The following GRID2 variants were observed in gnomAD, a reference collection of about 807,000 sequenced individuals.
The protein encoded by GRID2 is glutamate receptor ionotropic, delta-2.
In GRID2, 33 loss-of-function variants were observed where a neutral mutation model predicts 114.8. The ratio of observed to expected loss-of-function variants is 0.29; its 90% confidence interval spans 0.22 to 0.38. The LOEUF (loss-of-function observed/expected upper bound fraction) is 0.38. Among genes scored for constraint, GRID2 ranks in the 10% least tolerant of loss-of-function variants. The pLI, the probability that GRID2 is intolerant of heterozygous loss-of-function variation, is 1.00. For synonymous variants in GRID2, 505 were observed against 449.9 expected, an observed-to-expected ratio of 1.12 and a Z score of -1.55; for missense variants, 1,184 against 1,257.7, an observed-to-expected ratio of 0.94 and a Z score of 0.89.
At chr4:93,047,526 CT>C (rs34067693) in intron 2 of GRID2, among the ~76,000 whole-genome samples, 52,199 of 151,070 alleles carry the variant, frequency 0.35, 9,333 homozygotes, top group Admixed American at 0.48. Context: ...TTATACCATC[CT>C]TTTTTTTTAC....
At chr4:92,679,195 T>C (rs966724583) in intron 2 of GRID2, among the ~76,000 whole-genome samples, 38 of 152,218 alleles carry the variant, frequency 2.5e-4, no homozygotes, top group African/African-American at 9.1e-4. Flanking sequence ...GTTGTACTGA[T>C]TCAACCAGTA....
intron 10 of GRID2, among the ~76,000 whole-genome samples, chr4:93,450,181 G>A (rs1459118443): frequency 6.6e-6 from 1 of 151,792 alleles, no homozygotes; most frequent in African/African-American, 2.4e-5. Context: ...TTGAGGGACA[G>A]AAAATCATAT....
chr4:92,632,004 C>A (rs909191180), intron 2 of GRID2, among the ~76,000 whole-genome samples: 3 of 152,192 alleles, frequency 2.0e-5, no homozygotes, highest in South Asian at 2.1e-4. Context: ...CTGAAAGGTT[C>A]TCAGTTTTTA....
Position 93,600,822 on chromosome 4 carries a change from T to TGGTCTTG in GRID2, c.2194-25447_2194-25446insGGTCTTG, listed in dbSNP as rs1553962878. ...AAAAGCATAGTGGTCTACTCAGACC[T>TGGTCTTG]CAATACTGCAAGAAATAATAATGAG... On this transcript the variant is annotated intron_variant, in intron 13 of 15. Coordinates refer to ENST00000282020, the MANE Select transcript of GRID2 (RefSeq NM_001510.4). Among the ~76,000 whole-genome samples, 35 of 152,296 alleles carry TGGTCTTG rather than the reference T, an allele frequency of 2.3e-4. No individual in the cohort carries two copies. The East Asian group carries it at 4.3e-3, about 18-fold the overall frequency.
intron 8 of GRID2, among the ~76,000 whole-genome samples, chr4:93,323,312 C>G (rs1757446755): frequency 6.6e-6 from 1 of 152,088 alleles, no homozygotes; most frequent in Non-Finnish European, 1.5e-5. Flanking sequence ...GAATCCTTTC[C>G]CCATTTTTTA....
chr4:93,277,857 A>G (rs979827773), intron 8 of GRID2, among the ~76,000 whole-genome samples: 1 of 152,012 alleles, frequency 6.6e-6, no homozygotes, highest in African/African-American at 2.4e-5. Context: ...GAATGAATGA[A>G]TGAACAGAGG....
intron 4 of GRID2, among the ~76,000 whole-genome samples, chr4:93,116,968 C>G (rs886363773): frequency 1.3e-5 from 2 of 152,038 alleles, no homozygotes; most frequent in African/African-American, 4.8e-5. Flanking sequence ...ATGCAGTGTT[C>G]ATAGGAATTT....
intron 1 of GRID2, among the ~76,000 whole-genome samples, chr4:92,327,490 T>C (rs944370855): frequency 6.6e-6 from 1 of 151,978 alleles, no homozygotes; most frequent in Non-Finnish European, 1.5e-5. Flanking sequence ...ATGTATTCTA[T>C]GTTTTATCTT....
intron 1 of GRID2, among the ~76,000 whole-genome samples, chr4:92,485,651 C>G (rs563337160): frequency 6.9e-4 from 105 of 151,806 alleles, no homozygotes; most frequent in African/African-American, 2.4e-3. Flanking sequence ...GATTGCACCA[C>G]TGCACTCCAG....
intron 2 of GRID2, among the ~76,000 whole-genome samples, chr4:93,048,031 G>A (rs1050684010): frequency 6.6e-6 from 1 of 152,084 alleles, no homozygotes. Context: ...AAATCACAAA[G>A]TATATTGATG....
intron 14 of GRID2, among the ~76,000 whole-genome samples, chr4:93,650,082 T>C (rs1722453598): frequency 1.3e-5 from 2 of 152,116 alleles, no homozygotes; most frequent in Admixed American, 1.3e-4. Flanking sequence ...CCTTGATTCC[T>C]AGGCTCACAC....
At position 93,216,747 on chromosome 4, in the gene GRID2, G is replaced by C; in HGVS notation, c.799G>C (p.Asp267His). The change falls in exon 6 of 16, where the codon GAT becomes CAT. Residue 267 changes from aspartate to histidine, a missense_variant. By Grantham distance (81) the Asp-to-His change is moderately conservative (BLOSUM62 -1). This residue lies in a region of GRID2 where 455 missense variants were observed against 429.5 expected (regional missense o/e 1.06). Coordinates refer to ENST00000282020, the MANE Select transcript of GRID2 (RefSeq NM_001510.4). ...ACCTCTTATCTTATAGGAAATAAAC[G>C]ATGTGGACGTACAGGAACTTGTAAG... The part of the protein sequence containing the change: ...HWIIINEEIN[D>H]VDVQELVRRS... 6.2e-7 allele frequency: 1 copy of C among 1,605,918 alleles called. No homozygotes were observed.
intron 15 of GRID2, among the ~76,000 whole-genome samples, chr4:93,770,107 T>C (rs1733990317): frequency 6.6e-6 from 1 of 152,236 alleles, no homozygotes; most frequent in Non-Finnish European, 1.5e-5. Context: ...ATCTCTTTTA[T>C]AGTGGCCTGA....
chr4:92,991,908 T>C lies in GRID2; in HGVS notation c.245-93087T>C, dbSNP rs575989609. On this transcript the variant is annotated intron_variant, in intron 2 of 15. Transcript: ENST00000282020. ...CATTACAGGATACATAGGAGTGATA[T>C]TTTTGAAGTTTTTTTAAATACAAAA... Among the ~76,000 whole-genome samples the C allele has an allele frequency of 1.0e-3, 156 of 152,234 alleles. 1 individual carries two copies. Among genetic ancestry groups the C allele is most frequent in the African/African-American group, 3.6e-3 (148 of 41,532 alleles).
intron 14 of GRID2, among the ~76,000 whole-genome samples, chr4:93,733,799 A>T (rs1730693039): frequency 6.6e-6 from 1 of 152,128 alleles, no homozygotes; most frequent in Admixed American, 6.5e-5. Flanking sequence ...GGTACATTTC[A>T]TAAATGTAAA....
At chr4:92,381,674 C>T (rs907221050) in intron 1 of GRID2, among the ~76,000 whole-genome samples, 1 of 151,966 alleles carries the variant, frequency 6.6e-6, no homozygotes, top group Admixed American at 6.6e-5. Flanking sequence ...AATTAACCAT[C>T]ACCATATGGA....
intron 13 of GRID2, among the ~76,000 whole-genome samples, chr4:93,590,087 G>C (rs934348506): frequency 4.7e-5 from 7 of 150,244 alleles, no homozygotes; most frequent in Admixed American, 3.3e-4. Flanking sequence ...TTTGTCTTTT[G>C]TTGTCATTGC....
chr4:93,545,237 T>C (rs1210454840), intron 13 of GRID2, among the ~76,000 whole-genome samples: 1 of 152,162 alleles, frequency 6.6e-6, no homozygotes, highest in Admixed American at 6.5e-5. Context: ...ATTTGTGCTA[T>C]GGAAGAAGGA....
intron 8 of GRID2, among the ~76,000 whole-genome samples, chr4:93,357,120 C>G (rs945520223): frequency 6.6e-6 from 1 of 151,586 alleles, no homozygotes; most frequent in Admixed American, 6.6e-5. Flanking sequence ...ATTAAGTAAT[C>G]ATTTTCCCTC....
Sources: allele counts gnomAD v4.1 joint callset (sites outside exome capture counted in the v4.1 genomes callset), GRCh38; gene constraint gnomAD v4.1.1; regional missense constraint gnomAD v4.1.1; transcripts MANE v1.5; gene names NCBI Gene and HGNC (gene_info 2026-07-23, HGNC 2026-07-21).